Variants in DERA observed in about 807,000 individuals in gnomAD.
The protein encoded by DERA is deoxyribose-phosphate aldolase.
Under a neutral mutation model 41.1 loss-of-function variants are expected in DERA, and 15 were observed. The ratio of observed to expected loss-of-function variants is 0.37; its 90% CI spans 0.24 to 0.56. The LOEUF is 0.56. Among genes scored for constraint, DERA ranks in the 20% least tolerant of loss-of-function variants. DERA has a pLI of 0.81. For missense variants in DERA, 396 were observed against 403.4 expected (o/e 0.98, Z 0.16); for synonymous variants, 139 against 137.4 (o/e 1.01, Z -0.08).
At chr12:15,952,303 A>G (rs1219230894) in intron 1 of DERA, among the ~76,000 whole-genome samples, 1 of 152,216 alleles carries the variant, frequency 6.6e-6, no homozygotes, top group Non-Finnish European at 1.5e-5. Flanking sequence ...CAGTGCTGCC[A>G]CACATACGTT....
chr12:15,967,774 CTGGACA>C lies in DERA; in HGVS notation c.508+4832_508+4837del. Among the ~76,000 whole-genome samples, 1 of 152,222 alleles carries C rather than the reference CTGGACA, an allele frequency of 6.6e-6. No individual in the cohort carries two copies. The highest frequency in any genetic ancestry group is 2.4e-5 in the African/African-American group (1 of 41,454). ...CAATCCTTCTGTCACTCCTGTCTAG[CTGGACA>C]TGGAAACGTGGATAACTACATTTCT... is the stretch of plus-strand genomic sequence containing the variant. On this transcript the variant is annotated intron_variant, in intron 5 of 8. Coordinates refer to ENST00000428559, the MANE Select transcript of DERA (RefSeq NM_015954.4). The surrounding 1 kb of genome is among the most constrained non-coding windows in gnomAD (Gnocchi z 4.9).
At chr12:16,015,935 T>G (rs1405251386) in intron 6 of DERA, among the ~76,000 whole-genome samples, 2 of 152,238 alleles carry the variant, frequency 1.3e-5, no homozygotes, top group African/African-American at 4.8e-5. Flanking sequence ...GTTCCTTTTT[T>G]TAAATTGAGA....
rs1037301479 is a variant in DERA at position 15,984,145 on chromosome 12, C to T, written c.637+1709C>T. Among the ~76,000 whole-genome samples, 2 of 152,138 alleles carry T rather than the reference C, an allele frequency of 1.3e-5. No individual in the cohort carries two copies. The highest frequency in any genetic ancestry group is 6.5e-5 in the Admixed American group (1 of 15,274). On this transcript the variant is annotated intron_variant, in intron 6 of 8. Coordinates refer to ENST00000428559, the MANE Select transcript of DERA (RefSeq NM_015954.4). The surrounding 1 kb of genome is among the most constrained non-coding windows in gnomAD (Gnocchi z 4.5). ...TGGTAGCCACGCTGTTGGTTGTGCA[C>T]ATGGAGCTGAGATACTCCTCAGGGT...
chr12:15,922,737 C>T lies in DERA; in HGVS notation c.31+11323C>T, dbSNP rs1376487175. ...CTGGGAAGGATACAGGATTGGGACC[C>T]AGGCACTTTAGTTGTAGACCTGATA... On this transcript the variant is annotated intron_variant, in intron 1 of 8. Coordinates refer to ENST00000428559, the MANE Select transcript of DERA (RefSeq NM_015954.4). This position sits in a 1 kb window ranked among gnomAD's most constrained non-coding sequence, Gnocchi z 4.9. Among the ~76,000 whole-genome samples, 1 of 152,178 alleles carries T rather than the reference C, an allele frequency of 6.6e-6. No individual in the cohort carries two copies. The highest frequency in any genetic ancestry group is 1.9e-4 in the East Asian group (1 of 5,186).
In DERA at chr12:16,008,928, G is replaced by A. The variant is rs1250185979; in HGVS notation, c.638-23614G>A. Reference sequence around the variant, plus strand: ...AGGTAGAAACTGCAAAACAATAGCTGGTCTGATGTAGAGGCAGAAGTGCAT... The same window carrying A: ...AGGTAGAAACTGCAAAACAATAGCTAGTCTGATGTAGAGGCAGAAGTGCAT... On this transcript the variant is annotated intron_variant, in intron 6 of 8. Transcript: ENST00000428559. The surrounding 1 kb of genome is among the most constrained non-coding windows in gnomAD (Gnocchi z 4.8). 6.6e-6 allele frequency among the ~76,000 whole-genome samples: 1 copy of A among 152,172 alleles called. No individual in the cohort carries two copies. Among genetic ancestry groups the A allele is most frequent in the African/African-American group, 2.4e-5 (1 of 41,438 alleles).
chr12:15,980,306 G>T (rs973550889), intron 5 of DERA, among the ~76,000 whole-genome samples: 1 of 152,096 alleles, frequency 6.6e-6, no homozygotes, highest in Non-Finnish European at 1.5e-5. Context: ...GATGGAGTTG[G>T]GTTTTAAATC....
In DERA at chr12:16,009,561, G is replaced by T. The variant is rs575158435; in HGVS notation, c.638-22981G>T. Among the ~76,000 whole-genome samples, 8 of 152,216 alleles carry T rather than the reference G, an allele frequency of 5.3e-5. No individual in the cohort carries two copies. In the East Asian group the frequency reaches 1.5e-3, roughly 29 times the overall value. ...GACACTGTTCACTGTCTCTAACCCA[G>T]TTTCCCAAATGCCTTTTTACTTTGT... is the stretch of plus-strand genomic sequence containing the variant. On this transcript the variant is annotated intron_variant, in intron 6 of 8. Coordinates refer to ENST00000428559, the MANE Select transcript of DERA (RefSeq NM_015954.4). This position sits in a 1 kb window ranked among gnomAD's most constrained non-coding sequence, Gnocchi z 5.3.
In DERA at chr12:15,976,544, T is replaced by C. The variant is rs1374243455; in HGVS notation, c.509-5764T>C. On this transcript the variant is annotated intron_variant, in intron 5 of 8. Coordinates refer to ENST00000428559, the MANE Select transcript of DERA (RefSeq NM_015954.4). This position sits in a 1 kb window ranked among gnomAD's most constrained non-coding sequence, Gnocchi z 4.1. ...CTGAGAAAATCCCTGCTCTCCCTTG[T>C]CTGTGGTTGAGAGCTCCCAAAGATA... is the stretch of plus-strand genomic sequence containing the variant. Among the ~76,000 whole-genome samples, 1 of 152,188 alleles carries C rather than the reference T, an allele frequency of 6.6e-6. No homozygotes were observed. The highest frequency in any genetic ancestry group is 1.9e-4 in the East Asian group (1 of 5,190).
At chr12:16,031,307 C>T (rs1949090994) in intron 6 of DERA, among the ~76,000 whole-genome samples, 1 of 152,202 alleles carries the variant, frequency 6.6e-6, no homozygotes, top group Non-Finnish European at 1.5e-5. Flanking sequence ...TTTCCATATG[C>T]CTTATACACA....
chr12:15,953,943 G>A (rs1948518021), intron 1 of DERA, among the ~76,000 whole-genome samples: 1 of 152,138 alleles, frequency 6.6e-6, no homozygotes, highest in African/African-American at 2.4e-5. Flanking sequence ...CATTAAATAT[G>A]GGGCTGGATA....
chr12:15,931,132 C>T lies in DERA; in HGVS notation c.31+19718C>T, dbSNP rs915777845. ...ATATTTTCACAGGATTTATTGTTTG[C>T]GGATCTGTTTTAGCATGCAAGTATT... On this transcript the variant is annotated intron_variant, in intron 1 of 8. Transcript: ENST00000428559. The surrounding 1 kb of genome is among the most constrained non-coding windows in gnomAD (Gnocchi z 4.6). Among the ~76,000 whole-genome samples the T allele has an allele frequency of 2.0e-5, 3 of 152,136 alleles. No homozygotes were observed. The highest frequency in any genetic ancestry group is 4.8e-5 in the African/African-American group (2 of 41,426).
chr12:16,000,269 C>T lies in DERA; in HGVS notation c.637+17833C>T, dbSNP rs58139067. ...TATTGGTTTATTGCAGAACATAGCG[C>T]AGTCTAACCGCTTTTCCTCTACTTT... is the stretch of plus-strand genomic sequence containing the variant. On this transcript the variant is annotated intron_variant, in intron 6 of 8. Coordinates refer to ENST00000428559, the MANE Select transcript of DERA (RefSeq NM_015954.4). The surrounding 1 kb of genome is among the most constrained non-coding windows in gnomAD (Gnocchi z 4.8). Among the ~76,000 whole-genome samples, 9,944 of 152,206 alleles carry T rather than the reference C, an allele frequency of 0.065. 1,042 individuals carry two copies. Among genetic ancestry groups the T allele is most frequent in the African/African-American group, 0.22 (9,156 of 41,490 alleles).
rs1263130461 is a variant in DERA, at chr12:15,982,274, G to A, written c.509-34G>A. ...TGCCAAGTTATGTTATCACTTGCCT[G>A]CTTTGTAACTGCCTCAATTATTTTC... On this transcript the variant is annotated intron_variant, in intron 5 of 8. Coordinates refer to ENST00000428559, the MANE Select transcript of DERA (RefSeq NM_015954.4). The surrounding 1 kb of genome is among the most constrained non-coding windows in gnomAD (Gnocchi z 4.0). 1 of 1,598,840 alleles carries A rather than the reference G, an allele frequency of 6.3e-7. No individual in the cohort carries two copies. Among genetic ancestry groups the A allele is most frequent in the East Asian group, 2.2e-5 (1 of 44,724 alleles).
intron 6 of DERA, among the ~76,000 whole-genome samples, chr12:16,031,239 C>T (rs181928238): frequency 4.6e-5 from 7 of 152,304 alleles, no homozygotes; most frequent in East Asian, 3.9e-4. Context: ...TTCATCTCCA[C>T]CCGTGTCTAC....
intron 6 of DERA, among the ~76,000 whole-genome samples, chr12:16,015,139 G>C (rs1948972496): frequency 6.6e-6 from 1 of 152,158 alleles, no homozygotes; most frequent in Non-Finnish European, 1.5e-5. Flanking sequence ...GGACTTTTGG[G>C]TTAAAACTGG....
intron 3 of DERA, 141 bp downstream of exon 3, chr12:15,958,476 G>T: frequency 1.6e-5 from 6 of 373,712 alleles, no homozygotes; most frequent in African/African-American, 4.4e-5. Flanking sequence ...TACATAGACA[G>T]ATTCTTCTCT....
intron 4 of DERA, among the ~76,000 whole-genome samples, chr12:15,961,965 A>G (rs1592021350): frequency 6.6e-6 from 1 of 151,920 alleles, no homozygotes; most frequent in African/African-American, 2.4e-5. Flanking sequence ...GCTAGTCTCA[A>G]CCTCTTCACC....
Position 15,936,582 on chromosome 12 carries a change from T to C in DERA, c.32-20354T>C, listed in dbSNP as rs1012368549. Reference sequence around the variant, plus strand: ...TCACAGTATCCAAATTTGAAATAATTCCTGGTTAACATCTAATACTGAGAC... The same window carrying C: ...TCACAGTATCCAAATTTGAAATAATCCCTGGTTAACATCTAATACTGAGAC... On this transcript the variant is annotated intron_variant, in intron 1 of 8. Coordinates refer to ENST00000428559, the MANE Select transcript of DERA (RefSeq NM_015954.4). The surrounding 1 kb of genome is among the most constrained non-coding windows in gnomAD (Gnocchi z 4.6). 2.0e-5 allele frequency among the ~76,000 whole-genome samples: 3 copies of C among 152,198 alleles called. No homozygotes were observed. In the South Asian group the frequency reaches 6.2e-4, roughly 32 times the overall value.
intron 6 of DERA, among the ~76,000 whole-genome samples, chr12:16,007,828 C>T (rs900909648): frequency 6.7e-6 from 1 of 149,672 alleles, no homozygotes; most frequent in Admixed American, 6.8e-5. Flanking sequence ...ATTGATAATG[C>T]AGTTTTTTGT....
Sources: allele counts gnomAD v4.1 joint callset (sites outside exome capture counted in the v4.1 genomes callset), GRCh38; gene constraint gnomAD v4.1.1; non-coding constraint Gnocchi (gnomAD v3.1); transcripts MANE v1.5; gene names NCBI Gene and HGNC (gene_info 2026-07-23, HGNC 2026-07-21).